Variants in USH2A observed in about 807,000 individuals in gnomAD.
USH2A encodes Usher syndrome 2A (autosomal recessive, mild).
Under a neutral mutation model 538.9 loss-of-function variants are expected in USH2A, and 443 were observed. The ratio of observed to expected loss-of-function variants is 0.82; its 90% CI spans 0.76 to 0.89. The LOEUF (loss-of-function observed/expected upper bound fraction) is 0.89. Ranked by LOEUF, USH2A falls within the 40% of genes least tolerant of loss-of-function variation. USH2A has a pLI of 0.00. For synonymous variants in USH2A, 2,413 were observed against 2,273.5 expected (o/e 1.06, Z -1.75); for missense variants, 6,633 against 6,324.8 (o/e 1.05, Z -1.65).
Position 215,999,058 on chromosome 1 carries a change from C to T in USH2A, c.6486G>A (p.Gln2162=), listed in dbSNP as rs397518025. The T allele has an allele frequency of 4.3e-6, 7 of 1,609,486 alleles. No individual in the cohort carries two copies. The highest frequency in any genetic ancestry group is 3.3e-4 in the Middle Eastern group (2 of 5,974). The change falls in exon 34 of 72, where the codon CAG becomes CAA. Residue 2162 remains glutamine (Q), a splice_region_variant and synonymous_variant. Coordinates refer to ENST00000307340, the MANE Select transcript of USH2A (RefSeq NM_206933.4). ...CACTTATTTTTCTTGGTTGTTTCCA[C>T]CTGGGAATGGTAAAATACATTATTA... is the stretch of plus-strand genomic sequence containing the variant. ...TVLDSRTIHI[Q]WKQPRKISGI... is the part of the protein sequence containing the mutation.
chr1:215,984,986 C>T lies in USH2A; in HGVS notation c.6805+8034G>A, dbSNP rs527843577. ...TATGCTCTCCTAAAAATGGAATCAACGGAATCTAAAAAAGACTGTGCTTGG... is the reference window on the plus strand; with the variant it reads ...TATGCTCTCCTAAAAATGGAATCAATGGAATCTAAAAAAGACTGTGCTTGG... On this transcript the variant is annotated intron_variant, in intron 35 of 71. Coordinates refer to ENST00000307340, the MANE Select transcript of USH2A (RefSeq NM_206933.4). Among the ~76,000 whole-genome samples, 8 of 152,238 alleles carry T rather than the reference C, an allele frequency of 5.3e-5. No homozygotes were observed. In the East Asian group the frequency reaches 5.8e-4, roughly 11 times the overall value.
At chr1:216,266,592 A>T (rs554394439) in intron 11 of USH2A, among the ~76,000 whole-genome samples, 1 of 152,132 alleles carries the variant, frequency 6.6e-6, no homozygotes, top group Admixed American at 6.6e-5. Flanking sequence ...AACAGACAAC[A>T]GCAACAAGAA....
At chr1:216,080,874 A>T (rs1430900532) in intron 26 of USH2A, among the ~76,000 whole-genome samples, 1 of 151,742 alleles carries the variant, frequency 6.6e-6, no homozygotes, top group African/African-American at 2.4e-5. Context: ...GTTGATAGAG[A>T]GACTGAAAGT....
chr1:215,945,699 C>T (rs1414212147), intron 37 of USH2A, among the ~76,000 whole-genome samples: 1 of 152,064 alleles, frequency 6.6e-6, no homozygotes, highest in Non-Finnish European at 1.5e-5. Context: ...TCTTTCTAAA[C>T]ATGTTCAGAA....
intron 35 of USH2A, among the ~76,000 whole-genome samples, chr1:215,981,500 T>C (rs1307121511): frequency 6.6e-6 from 1 of 152,194 alleles, no homozygotes; most frequent in East Asian, 1.9e-4. Context: ...ACATCAGCTT[T>C]CTTTTCTCTT....
At chr1:216,121,804 A>T (rs1360295026) in intron 21 of USH2A, among the ~76,000 whole-genome samples, 21 of 152,202 alleles carry the variant, frequency 1.4e-4, no homozygotes. Flanking sequence ...CGTATTATAC[A>T]ATTTTATGTA....
chr1:216,390,250 C>G (rs2039082483), intron 3 of USH2A, among the ~76,000 whole-genome samples: 1 of 152,098 alleles, frequency 6.6e-6, no homozygotes, highest in African/African-American at 2.4e-5. Context: ...AACAAAACTG[C>G]CATTCACCTA....
chr1:215,703,306 G>C (rs535331048), intron 61 of USH2A, among the ~76,000 whole-genome samples: 1 of 152,316 alleles, frequency 6.6e-6, no homozygotes, highest in East Asian at 1.9e-4. Context: ...ACGCACTTGA[G>C]GAGGCAGTCT....
At chr1:216,018,614 C>A (rs998470652) in intron 32 of USH2A, among the ~76,000 whole-genome samples, 1 of 152,116 alleles carries the variant, frequency 6.6e-6, no homozygotes, top group Non-Finnish European at 1.5e-5. Context: ...AAGTAGAGCA[C>A]ACATTTACAG....
intron 3 of USH2A, among the ~76,000 whole-genome samples, chr1:216,391,379 C>G (rs541047305): frequency 6.6e-6 from 1 of 152,266 alleles, no homozygotes; most frequent in African/African-American, 2.4e-5. Flanking sequence ...CAGTCATCAA[C>G]TGGTCATAGA....
At chr1:215,690,391 A>G (rs531912856) in intron 61 of USH2A, among the ~76,000 whole-genome samples, 148 of 152,278 alleles carry the variant, frequency 9.7e-4, no homozygotes, top group African/African-American at 3.4e-3. Context: ...TTTCCCAGCT[A>G]TTCCCACAAT....
At chr1:216,276,239 G>A (rs2036668523) in intron 11 of USH2A, among the ~76,000 whole-genome samples, 2 of 152,124 alleles carry the variant, frequency 1.3e-5, no homozygotes, top group Non-Finnish European at 2.9e-5. Context: ...TGTACATGAC[G>A]AGTGCAAGAC....
chr1:215,773,565 T>C, intron 55 of USH2A, among the ~76,000 whole-genome samples: 1 of 151,738 alleles, frequency 6.6e-6, no homozygotes, highest in African/African-American at 2.4e-5. Flanking sequence ...AAGGAGCTGC[T>C]CTCCTCTCTC....
intron 11 of USH2A, among the ~76,000 whole-genome samples, chr1:216,287,007 G>T (rs958993263): frequency 2.0e-5 from 3 of 152,022 alleles, no homozygotes; most frequent in African/African-American, 7.2e-5. Flanking sequence ...AAACCATAGA[G>T]CAATATTTCT....
intron 60 of USH2A, among the ~76,000 whole-genome samples, chr1:215,733,338 C>T (rs192605845): frequency 6.6e-6 from 1 of 152,260 alleles, no homozygotes; most frequent in East Asian, 1.9e-4. Flanking sequence ...TATGCAATCA[C>T]CTCCCACTAG....
intron 56 of USH2A, among the ~76,000 whole-genome samples, chr1:215,765,741 G>T (rs370619496): frequency 6.6e-6 from 1 of 151,984 alleles, no homozygotes; most frequent in Non-Finnish European, 1.5e-5. Flanking sequence ...AACAATAAAT[G>T]CCATTTTCTC....
chr1:215,801,244 C>A (rs1296935742), intron 49 of USH2A, among the ~76,000 whole-genome samples: 3 of 151,884 alleles, frequency 2.0e-5, no homozygotes, highest in African/African-American at 4.8e-5. Flanking sequence ...GGTTGCCACC[C>A]TTTGCCACTT....
At chr1:216,190,977 T>C (rs545330301) in intron 19 of USH2A, among the ~76,000 whole-genome samples, 73 of 152,196 alleles carry the variant, frequency 4.8e-4, no homozygotes, top group African/African-American at 1.6e-3. Context: ...TGAAATATTA[T>C]CTTTATCATA....
At chr1:216,201,690 TG>T (rs1183681048) in intron 16 of USH2A, 1 of 206,992 alleles carries the variant, frequency 4.8e-6, no homozygotes, top group Non-Finnish European at 1.1e-5. Context: ...GCTGGTGTTG[TG>T]GGGGGCACCT....
Sources: gnomAD v4.1 joint callset for allele counts (sites outside exome capture counted in the v4.1 genomes callset) on GRCh38, gnomAD v4.1.1 for gene constraint, MANE v1.5 for transcripts, NCBI Gene and HGNC (gene_info 2026-07-23, HGNC 2026-07-21) for gene names.